Variants in NEGR1 observed in about 807,000 individuals in gnomAD.
NEGR1 encodes neuronal growth regulator 1.
In NEGR1, 10 loss-of-function variants were observed where a neutral mutation model predicts 40.9. That is an observed-to-expected ratio of 0.24 (90% CI 0.15 to 0.42). The LOEUF is 0.42. Among genes scored for constraint, NEGR1 ranks in the 10% least tolerant of loss-of-function variants. The pLI is 1.00. For missense variants in NEGR1, 352 were observed against 438.9 expected, an observed-to-expected ratio of 0.80 and a Z score of 1.77; for synonymous variants, 185 against 166.8, an observed-to-expected ratio of 1.11 and a Z score of -0.84.
At chr1:71,566,763 A>C (rs1283546519) in intron 6 of NEGR1, among the ~76,000 whole-genome samples, 1 of 152,182 alleles carries the variant, frequency 6.6e-6, no homozygotes, top group Non-Finnish European at 1.5e-5. Flanking sequence ...GTAAGAGGAC[A>C]CCATAGACTG....
At chr1:72,151,986 T>G (rs1387895384) in intron 1 of NEGR1, among the ~76,000 whole-genome samples, 1 of 151,762 alleles carries the variant, frequency 6.6e-6, no homozygotes, top group African/African-American at 2.4e-5. Context: ...ATTAAAATAA[T>G]AGATACAGAA....
intron 2 of NEGR1, among the ~76,000 whole-genome samples, chr1:71,871,484 C>T (rs756351301): frequency 3.3e-5 from 5 of 152,094 alleles, no homozygotes; most frequent in Non-Finnish European, 7.4e-5. Context: ...CTTTTTCATG[C>T]GGCATCCCAG....
At chr1:72,222,749 G>A (rs1452954092) in intron 1 of NEGR1, among the ~76,000 whole-genome samples, 1 of 152,090 alleles carries the variant, frequency 6.6e-6, no homozygotes, top group Non-Finnish European at 1.5e-5. Flanking sequence ...TTTCTGCCTG[G>A]TTCTCTTGGA....
intron 6 of NEGR1, among the ~76,000 whole-genome samples, chr1:71,413,034 A>G (rs1646333333): frequency 5.5e-5 from 1 of 18,262 alleles, no homozygotes; most frequent in African/African-American, 7.4e-5. Context: ...TAATATATGG[A>G]CTGTAGAGCT....
At chr1:71,554,583 T>A (rs1570023766) in intron 6 of NEGR1, among the ~76,000 whole-genome samples, 1 of 151,432 alleles carries the variant, frequency 6.6e-6, no homozygotes, top group Admixed American at 6.6e-5. Context: ...GCACCCTGTT[T>A]TTGCCCTCAA....
At chr1:72,104,911 C>T (rs186869174) in intron 1 of NEGR1, among the ~76,000 whole-genome samples, 2 of 152,122 alleles carry the variant, frequency 1.3e-5, no homozygotes, top group African/African-American at 4.8e-5. Flanking sequence ...CTGGACTTAT[C>T]AGAGTACAGT....
intron 1 of NEGR1, among the ~76,000 whole-genome samples, chr1:72,093,198 G>A (rs984017891): frequency 1.3e-5 from 2 of 152,052 alleles, no homozygotes; most frequent in East Asian, 1.9e-4. Context: ...GAGCATGGTG[G>A]TGCATGCCTG....
At chr1:71,967,002 G>A (rs1646215096) in intron 1 of NEGR1, among the ~76,000 whole-genome samples, 1 of 152,066 alleles carries the variant, frequency 6.6e-6, no homozygotes, top group African/African-American at 2.4e-5. Flanking sequence ...CTAAATCTAG[G>A]CACAACCAGC....
At chr1:72,195,870 T>C (rs768870519) in intron 1 of NEGR1, among the ~76,000 whole-genome samples, 4 of 151,998 alleles carry the variant, frequency 2.6e-5, no homozygotes, top group South Asian at 2.1e-4. Context: ...TTTCTTGTTG[T>C]TATTGTGATG....
intron 2 of NEGR1, among the ~76,000 whole-genome samples, chr1:71,800,198 G>T (rs1381080676): frequency 3.3e-5 from 5 of 152,076 alleles, no homozygotes; most frequent in African/African-American, 1.2e-4. Flanking sequence ...GGGATTGTTT[G>T]TTTTTTTCTT....
chr1:71,698,182 G>A (rs187159183), intron 3 of NEGR1, 43 bp from the exon 4 acceptor site: 20 of 1,575,872 alleles, frequency 1.3e-5, no homozygotes, highest in South Asian at 1.1e-4. Flanking sequence ...GCCGCCTGAG[G>A]CTTCATTCAA....
chr1:71,474,953 A>G (rs1646810509), intron 6 of NEGR1, among the ~76,000 whole-genome samples: 1 of 152,102 alleles, frequency 6.6e-6, no homozygotes, highest in Admixed American at 6.6e-5. Context: ...TAGGAATTCA[A>G]CAAGGGTCAG....
At chr1:71,697,547 C>T (rs529574790) in intron 4 of NEGR1, among the ~76,000 whole-genome samples, 24 of 151,864 alleles carry the variant, frequency 1.6e-4, no homozygotes, top group East Asian at 5.8e-4. Flanking sequence ...TTTTCCCAAA[C>T]GAAATAGAAA....
chr1:71,405,908 A>G lies in NEGR1; in HGVS notation c.*1538T>C, dbSNP rs1416326974. The stretch of plus-strand genomic sequence containing the variant: ...GCTTTCAAGGTGATGGCCTTTCTTT[A>G]GTAAAGAGTGAAACCATCAAACTAT... On this transcript the variant is annotated 3_prime_UTR_variant, in exon 7 of 7. Coordinates refer to ENST00000357731, the MANE Select transcript of NEGR1 (RefSeq NM_173808.3). 1.3e-5 allele frequency: 2 copies of G among 152,270 alleles called. No homozygotes were observed. Among genetic ancestry groups the G allele is most frequent in the East Asian group, 3.9e-4 (2 of 5,190 alleles). 9.4% of individuals were successfully genotyped at this position (152,270 alleles called of 1,614,324 possible). A position where few individuals can be genotyped will look rare whatever the true frequency, so the allele number is the denominator to read the frequency against.
intron 1 of NEGR1, among the ~76,000 whole-genome samples, chr1:71,939,467 G>T (rs370946247): frequency 6.6e-6 from 1 of 152,214 alleles, no homozygotes; most frequent in East Asian, 1.9e-4. Flanking sequence ...TTGGAGAAAG[G>T]AATAATATGA....
At chr1:71,906,522 T>C (rs1661281452) in intron 2 of NEGR1, among the ~76,000 whole-genome samples, 1 of 151,848 alleles carries the variant, frequency 6.6e-6, no homozygotes, top group African/African-American at 2.4e-5. Flanking sequence ...TCTGGTCCCC[T>C]TATTTAATTT....
chr1:71,899,338 G>A (rs1219273838), intron 2 of NEGR1, among the ~76,000 whole-genome samples: 1 of 151,942 alleles, frequency 6.6e-6, no homozygotes, highest in Non-Finnish European at 1.5e-5. Flanking sequence ...GGGTATGGAG[G>A]ATGATCCAAA....
At chr1:71,411,925 C>G (rs570417901) in intron 6 of NEGR1, among the ~76,000 whole-genome samples, 24 of 152,010 alleles carry the variant, frequency 1.6e-4, no homozygotes, top group Non-Finnish European at 3.1e-4. Context: ...CACTTGAACC[C>G]AGGAGGTGGA....
At chr1:72,090,270 A>C (rs2100542917) in intron 1 of NEGR1, among the ~76,000 whole-genome samples, 1 of 151,984 alleles carries the variant, frequency 6.6e-6, no homozygotes, top group South Asian at 2.1e-4. Context: ...ACCAAAAAGT[A>C]ATTCTGTATC....
Sources: gnomAD v4.1 joint callset for allele counts (sites outside exome capture counted in the v4.1 genomes callset) on GRCh38, gnomAD v4.1.1 for gene constraint, MANE v1.5 for transcripts, NCBI Gene and HGNC (gene_info 2026-07-23, HGNC 2026-07-21) for gene names.